Variants in KCNN1 observed in about 807,000 individuals in gnomAD.
The protein encoded by KCNN1 is small conductance calcium-activated potassium channel protein 1.
A neutral mutation model predicts 44.7 loss-of-function variants in KCNN1; 20 were observed. The observed-to-expected ratio is 0.45, with a 90% CI of 0.32 to 0.65. The LOEUF (loss-of-function observed/expected upper bound fraction) is 0.65, where lower values mean the gene tolerates loss of function less well. Among genes scored for constraint, KCNN1 ranks in the 30% least tolerant of loss-of-function variants. KCNN1 has a pLI of 0.05. For synonymous variants in KCNN1, 324 were observed against 341.7 expected, an observed-to-expected ratio of 0.95 and a Z score of 0.57; for missense variants, 632 against 785.3, an observed-to-expected ratio of 0.80 and a Z score of 2.33.
intron 2 of KCNN1, among the ~76,000 whole-genome samples, chr19:17,958,333 A>G (rs1359994356): frequency 6.6e-6 from 1 of 151,966 alleles, no homozygotes; most frequent in Non-Finnish European, 1.5e-5. Context: ...GAAAAAAAAT[A>G]GCTAGGCATG....
intron 6 of KCNN1, among the ~76,000 whole-genome samples, chr19:17,988,908 T>C (rs1358049480): frequency 2.0e-5 from 3 of 150,652 alleles, no homozygotes; most frequent in Admixed American, 2.0e-4. Flanking sequence ...AAGACTCCGT[T>C]TAAAAAAAAA....
At chr19:17,967,082 C>CA, upstream of KCNN1, 1 of 978,110 alleles carries the variant, frequency 1.0e-6, no homozygotes, top group South Asian at 4.7e-5. Context: ...CGCGTCGCAC[C>CA]GCCCCCTTCT....
Position 17,977,321 on chromosome 19 carries a change from G to A in KCNN1, c.498+2134G>A, listed in dbSNP as rs532110139. 3.4e-4 allele frequency among the ~76,000 whole-genome samples: 51 copies of A among 151,674 alleles called. 1 individual carries two copies. The highest frequency in any genetic ancestry group is 3.0e-3 in the Admixed American group (46 of 15,190). On this transcript the variant is annotated intron_variant, in intron 3 of 9. Transcript: ENST00000684775. ...AAGAACACCAGTCATTATTGGATTAGGGCCCACTGCAATTAGATGATTCCA... is the reference window on the plus strand; with the variant it reads ...AAGAACACCAGTCATTATTGGATTAAGGCCCACTGCAATTAGATGATTCCA...
chr19:17,997,078 T>C (rs1415749232), intron 9 of KCNN1, among the ~76,000 whole-genome samples: 1 of 152,134 alleles, frequency 6.6e-6, no homozygotes, highest in Non-Finnish European at 1.5e-5. Flanking sequence ...CGGCCTCCCC[T>C]GCCCATAGGG....
rs1284797624 is a variant in KCNN1 at position 17,974,572 on chromosome 19, C to T, written c.402+282C>T. Among the ~76,000 whole-genome samples the T allele has an allele frequency of 6.6e-6, 1 of 152,160 alleles. No individual in the cohort carries two copies. The highest frequency in any genetic ancestry group is 1.5e-5 in the Non-Finnish European group (1 of 68,000). ...GCTTCCCCCCAGGACAGGGGTTCCCCAGAGTGGGCCTGCTCTGGGGAGCAA... is the reference window on the plus strand; with the variant it reads ...GCTTCCCCCCAGGACAGGGGTTCCCTAGAGTGGGCCTGCTCTGGGGAGCAA... On this transcript the variant is annotated intron_variant, in intron 2 of 9. Coordinates refer to ENST00000684775, the MANE Select transcript of KCNN1 (RefSeq NM_001386974.1). This position sits in a 1 kb window ranked among gnomAD's most constrained non-coding sequence, Gnocchi z 7.3.
rs2032718904 is a variant in KCNN1, at chr19:17,989,613, C to T, written c.1171-103C>T. 4 of 1,541,042 alleles carry T rather than the reference C, an allele frequency of 2.6e-6. No homozygotes were observed. In the South Asian group the frequency reaches 4.6e-5, roughly 18 times the overall value. On this transcript the variant is annotated intron_variant, in intron 6 of 9. Coordinates refer to ENST00000684775, the MANE Select transcript of KCNN1 (RefSeq NM_001386974.1). ...CTTATAGCCCAGGGACCCTGAGAGG[C>T]ATTTCCAGAAGTTTCTAGAGGTTTC... is the stretch of plus-strand genomic sequence containing the variant.
At chr19:17,982,845 C>G (rs976313061) in intron 4 of KCNN1, among the ~76,000 whole-genome samples, 4 of 152,012 alleles carry the variant, frequency 2.6e-5, no homozygotes, top group Non-Finnish European at 5.9e-5. Context: ...GGCAGCTGAC[C>G]CCTGGGAGCT....
At position 17,983,799 on chromosome 19, in the gene KCNN1, A is replaced by AC. The variant is rs541945898; in HGVS notation, c.918-1506dup. On this transcript the variant is annotated intron_variant, in intron 4 of 9. Transcript: ENST00000684775. This position sits in a 1 kb window ranked among gnomAD's most constrained non-coding sequence, Gnocchi z 4.5. ...CTCACCCACCCACCGACTAGAGGGCACCCCCCCGCCCCTCCTGCCCTCTGG... is the reference window on the plus strand; with the variant it reads ...CTCACCCACCCACCGACTAGAGGGCACCCCCCCCGCCCCTCCTGCCCTCTGG... Among the ~76,000 whole-genome samples, 1,271 of 149,112 alleles carry AC rather than the reference A, an allele frequency of 8.5e-3. 61 individuals carry two copies. The highest frequency in any genetic ancestry group is 0.078 in the Admixed American group (1,166 of 14,978).
intron 3 of KCNN1, among the ~76,000 whole-genome samples, chr19:17,977,364 CAG>C (rs2032241144): frequency 6.7e-6 from 1 of 150,242 alleles, no homozygotes; most frequent in African/African-American, 2.4e-5. Flanking sequence ...TTTTTTGAGA[CAG>C]AGTTTCACTC....
chr19:17,969,619 C>T (rs1290212534), intron 1 of KCNN1, among the ~76,000 whole-genome samples: 4 of 152,214 alleles, frequency 2.6e-5, no homozygotes, highest in African/African-American at 7.2e-5. Flanking sequence ...GGCAGACACA[C>T]GGCTGAATTT....
rs1287117888 is a variant in KCNN1, at chr19:17,998,094, C to A, written c.1378-58C>A. On this transcript the variant is annotated intron_variant, in intron 9 of 9. Coordinates refer to ENST00000684775, the MANE Select transcript of KCNN1 (RefSeq NM_001386974.1). The surrounding 1 kb of genome is among the most constrained non-coding windows in gnomAD (Gnocchi z 5.4). The stretch of plus-strand genomic sequence containing the variant: ...CTCTCTGTCATTGGTGTCGTGGTAT[C>A]GTCCTTTCCTCTCTCACTCAGCGGC... The A allele has an allele frequency of 8.1e-6, 12 of 1,488,886 alleles. No homozygotes were observed. Among genetic ancestry groups the A allele is most frequent in the Middle Eastern group, 1.8e-4 (1 of 5,680 alleles). 92.2% of individuals were successfully genotyped at this position (1,488,886 alleles called of 1,614,324 possible).
chr19:17,958,996 A>G (rs1313672568), intron 2 of KCNN1, among the ~76,000 whole-genome samples: 1 of 143,414 alleles, frequency 7.0e-6, no homozygotes, highest in Non-Finnish European at 1.5e-5. Context: ...CACCACGTCC[A>G]GCCCTATTTA....
At chr19:17,968,550 A>G (rs1179429664) in intron 1 of KCNN1, among the ~76,000 whole-genome samples, 1 of 152,028 alleles carries the variant, frequency 6.6e-6, no homozygotes, top group Non-Finnish European at 1.5e-5. Flanking sequence ...TGTCATTTGT[A>G]AAAATGCTCG....
At chr19:17,980,546 G>T (rs551779895) in intron 3 of KCNN1, among the ~76,000 whole-genome samples, 1 of 151,970 alleles carries the variant, frequency 6.6e-6, no homozygotes, top group Non-Finnish European at 1.5e-5. Flanking sequence ...TATTTCGTTC[G>T]AACTGTGGCC....
intron 4 of KCNN1, among the ~76,000 whole-genome samples, chr19:17,984,859 C>T (rs901030677): frequency 9.2e-5 from 14 of 152,068 alleles, no homozygotes; most frequent in South Asian, 2.1e-4. Flanking sequence ...CCTATATGGA[C>T]GTCCCTTCTT....
chr19:17,959,883 GA>G (rs1292103031), intron 2 of KCNN1, among the ~76,000 whole-genome samples: 1 of 151,742 alleles, frequency 6.6e-6, no homozygotes, highest in Non-Finnish European at 1.5e-5. Flanking sequence ...GGGAGTTTGA[GA>G]CCAGCCTGGC....
chr19:17,998,278 C>T lies in KCNN1; in HGVS notation c.1504C>T (p.Leu502Phe), dbSNP rs1484435327. The change falls in exon 10 of 10, where the codon CTC (leucine) becomes TTC (phenylalanine). Residue 502 changes from leucine (L) to phenylalanine (F), a missense_variant. Leu to Phe is a conservative substitution (Grantham distance 22). Coordinates refer to ENST00000684775, the MANE Select transcript of KCNN1 (RefSeq NM_001386974.1). This position sits in a 1 kb window ranked among gnomAD's most constrained non-coding sequence, Gnocchi z 5.4. ...TGCCTCTCTACAGGCCCTGCCTGGC[C>T]TCATCGCCCAAGCCATACGCCCACC... ...LGASLQALPG[L>F]IAQAIRPPPP... The T allele has an allele frequency of 6.4e-7, 1 of 1,555,548 alleles. No individual in the cohort carries two copies. Among genetic ancestry groups the T allele is most frequent in the Non-Finnish European group, 8.7e-7 (1 of 1,154,668 alleles).
At chr19:17,977,727 C>T (rs1244423507) in intron 3 of KCNN1, among the ~76,000 whole-genome samples, 3 of 152,052 alleles carry the variant, frequency 2.0e-5, no homozygotes, top group South Asian at 2.1e-4. Flanking sequence ...TCTATAAAGA[C>T]CTTATCTCCA....
At chr19:17,952,258 C>T (rs1188738716) in intron 1 of KCNN1, 2 of 152,140 alleles carry the variant, frequency 1.3e-5, no homozygotes, top group Admixed American at 6.5e-5. Flanking sequence ...TCCCGGCTCA[C>T]ACGCCCTTGC....
Sources: gnomAD v4.1 joint callset for allele counts (sites outside exome capture counted in the v4.1 genomes callset) on GRCh38, gnomAD v4.1.1 for gene constraint, Gnocchi (gnomAD v3.1) non-coding constraint, MANE v1.5 for transcripts, NCBI Gene and HGNC (gene_info 2026-07-23, HGNC 2026-07-21) for gene names.